Variants in CTDSPL2 observed in about 807,000 individuals in gnomAD.
CTDSPL2 encodes the protein CTD small phosphatase-like protein 2.
A neutral mutation model predicts 60.0 loss-of-function variants in CTDSPL2; 5 were observed. That is an observed-to-expected ratio of 0.08 (90% CI 0.04 to 0.18). The LOEUF is 0.18. Ranked by LOEUF, CTDSPL2 falls within the 10% of genes least tolerant of loss-of-function variation. CTDSPL2 has a pLI of 1.00. For missense variants in CTDSPL2, 370 were observed against 548.8 expected (o/e 0.67, Z 3.26); for synonymous variants, 186 against 189.3 (o/e 0.98, Z 0.14).
At chr15:44,488,127 A>T (rs572371877) in intron 4 of CTDSPL2, among the ~76,000 whole-genome samples, 1 of 151,564 alleles carries the variant, frequency 6.6e-6, no homozygotes, top group South Asian at 2.1e-4. Context: ...AAAAAAAAAG[A>T]AAAAGGAATA....
intron 1 of CTDSPL2, among the ~76,000 whole-genome samples, chr15:44,445,184 A>ATT (rs994956482): frequency 7.2e-6 from 1 of 138,162 alleles, no homozygotes; most frequent in South Asian, 2.3e-4. Context: ...TAGGTTCCAG[A>ATT]TTTTTTTTTT....
chr15:44,493,796 C>T (rs1260979365), intron 5 of CTDSPL2, among the ~76,000 whole-genome samples: 1 of 151,900 alleles, frequency 6.6e-6, no homozygotes, highest in African/African-American at 2.4e-5. Flanking sequence ...TGAGACCTGT[C>T]TCAAAAAATA....
chr15:44,510,828 T>C (rs573066855), intron 8 of CTDSPL2, among the ~76,000 whole-genome samples: 4 of 152,354 alleles, frequency 2.6e-5, no homozygotes, highest in African/African-American at 4.8e-5. Context: ...AATAAAGTAA[T>C]GGTAGTCTCA....
At chr15:44,458,369 TAAATAGCCTCATATTTTC>T (rs1188329593) in intron 1 of CTDSPL2, among the ~76,000 whole-genome samples, 104 of 152,294 alleles carry the variant, frequency 6.8e-4, no homozygotes, top group African/African-American at 2.5e-3. Flanking sequence ...AGAGCTCAAA[TAAATAGCCTCATATTTTC>T]TTTCTGATGT....
intron 5 of CTDSPL2, 104 bp from the exon 6 acceptor site, chr15:44,496,274 TAA>T: frequency 1.3e-6 from 1 of 754,668 alleles, no homozygotes; most frequent in Non-Finnish European, 2.2e-6. Context: ...TTTCTGTCTT[TAA>T]AATACACAAG....
At chr15:44,450,075 A>G (rs1024841643) in intron 1 of CTDSPL2, among the ~76,000 whole-genome samples, 6 of 152,000 alleles carry the variant, frequency 3.9e-5, no homozygotes, top group African/African-American at 1.4e-4. Context: ...TAGATTCTAC[A>G]TTACTTTTCT....
chr15:44,494,190 C>A (rs2140814702), intron 5 of CTDSPL2, among the ~76,000 whole-genome samples: 1 of 152,252 alleles, frequency 6.6e-6, no homozygotes, highest in East Asian at 1.9e-4. Context: ...AAATTCCCAG[C>A]ATAATTTCTA....
chr15:44,447,184 TGA>T (rs993067476), intron 1 of CTDSPL2, among the ~76,000 whole-genome samples: 24 of 152,338 alleles, frequency 1.6e-4, no homozygotes, highest in African/African-American at 5.8e-4. Context: ...TTTATGTGGT[TGA>T]GAAGGTTAAG....
intron 1 of CTDSPL2, among the ~76,000 whole-genome samples, chr15:44,449,517 G>T (rs1008291631): frequency 2.2e-4 from 33 of 152,134 alleles, no homozygotes; most frequent in African/African-American, 7.0e-4. Context: ...TGTTAGTAGA[G>T]ACAGGGTTTC....
Position 44,458,972 on chromosome 15 carries a change from T to C in CTDSPL2, c.-24-19T>C, listed in dbSNP as rs755765597. 2 of 1,407,560 alleles carry C rather than the reference T, an allele frequency of 1.4e-6. No individual in the cohort carries two copies. Among genetic ancestry groups the C allele is most frequent in the Non-Finnish European group, 1.9e-6 (2 of 1,055,686 alleles). The allele number at this position is 1,407,560 out of a possible 1,614,324, so 87.2% of individuals were successfully genotyped here. On this transcript the variant is annotated intron_variant, in intron 1 of 12. Transcript: ENST00000260327. ...ATAACTTTTAATTTTTTATTACATT[T>C]ATTATTTTTCTCTTTTAGTTTTACA...
intron 1 of CTDSPL2, among the ~76,000 whole-genome samples, chr15:44,430,753 T>C (rs368533037): frequency 1.3e-3 from 191 of 152,306 alleles, no homozygotes; most frequent in African/African-American, 4.4e-3. Context: ...GTAATTTTTC[T>C]GGTTAAAAGT....
intron 1 of CTDSPL2, among the ~76,000 whole-genome samples, chr15:44,433,400 A>G (rs1371189814): frequency 6.6e-6 from 1 of 151,844 alleles, no homozygotes; most frequent in African/African-American, 2.4e-5. Flanking sequence ...TTGGGATTAC[A>G]AGTGTGAGCC....
chr15:44,435,965 T>A (rs1224185977), intron 1 of CTDSPL2, among the ~76,000 whole-genome samples: 1 of 152,106 alleles, frequency 6.6e-6, no homozygotes, highest in Admixed American at 6.6e-5. Flanking sequence ...TTGTCTTGAT[T>A]TTTTTTCTTA....
At position 44,519,147 on chromosome 15, in the gene CTDSPL2, T is replaced by C. The variant is rs143412361; in HGVS notation, c.1113-22T>C. The C allele has an allele frequency of 1.8e-4, 256 of 1,453,008 alleles. 3 individuals carry two copies. The Middle Eastern group carries it at 3.2e-3, about 18-fold the overall frequency. 90.0% of individuals were successfully genotyped at this position (1,453,008 alleles called of 1,614,324 possible). ...TTTTAGAAAGTTTTTTTTTTTTAAT[T>C]TGTTTTTATTTTTATGTTTAGGCAC... On this transcript the variant is annotated intron_variant, in intron 10 of 12. Coordinates refer to ENST00000260327, the MANE Select transcript of CTDSPL2 (RefSeq NM_016396.3).
chr15:44,488,785 C>T (rs2081165671), intron 4 of CTDSPL2, among the ~76,000 whole-genome samples: 1 of 152,142 alleles, frequency 6.6e-6, no homozygotes, highest in African/African-American at 2.4e-5. Flanking sequence ...CACCATTGCA[C>T]TCCAGCCTGG....
chr15:44,433,668 T>C (rs887757928), intron 1 of CTDSPL2, among the ~76,000 whole-genome samples: 19 of 151,836 alleles, frequency 1.3e-4, no homozygotes, highest in Admixed American at 5.2e-4. Flanking sequence ...TTTTTTCTGT[T>C]TGTTTTTGTT....
At chr15:44,502,180 A>G (rs2081391840) in intron 8 of CTDSPL2, 2 of 212,822 alleles carry the variant, frequency 9.4e-6, no homozygotes, top group Admixed American at 1.1e-4. Flanking sequence ...GACAAAATTA[A>G]CCATTTTTAA....
chr15:44,521,538 A>C (rs2081767880), intron 12 of CTDSPL2, 132 bp downstream of exon 12: 1 of 503,996 alleles, frequency 2.0e-6, no homozygotes, highest in African/African-American at 2.0e-5. Flanking sequence ...AGGTGCCATC[A>C]TAGGCGCCTG....
chr15:44,504,281 C>T (rs996211074), intron 8 of CTDSPL2, among the ~76,000 whole-genome samples: 5 of 151,842 alleles, frequency 3.3e-5, no homozygotes, highest in South Asian at 2.1e-4. Flanking sequence ...ACCCAGGAGG[C>T]GGAGGTTGCA....
Sources: gnomAD v4.1 joint callset for allele counts (sites outside exome capture counted in the v4.1 genomes callset) on GRCh38, gnomAD v4.1.1 for gene constraint, MANE v1.5 for transcripts, NCBI Gene and HGNC (gene_info 2026-07-23, HGNC 2026-07-21) for gene names.